Variants in CAT observed in about 807,000 individuals in gnomAD.
The protein encoded by CAT is catalase.
In CAT, 43 loss-of-function variants were observed where a neutral mutation model predicts 59.0. That is an observed-to-expected ratio of 0.73 (90% CI 0.57 to 0.94). The LOEUF is 0.94. Among genes scored for constraint, CAT ranks in the 40% least tolerant of loss-of-function variants. The pLI is 0.00. For missense variants in CAT, 664 were observed against 682.9 expected, an observed-to-expected ratio of 0.97 and a Z score of 0.31; for synonymous variants, 218 against 230.9, an observed-to-expected ratio of 0.94 and a Z score of 0.51.
intron 1 of CAT, among the ~76,000 whole-genome samples, chr11:34,442,886 T>A (rs1161437018): frequency 6.6e-6 from 1 of 152,190 alleles, no homozygotes; most frequent in African/African-American, 2.4e-5. Context: ...CCTGGGGTAG[T>A]CTACCCCCTG....
intron 6 of CAT, among the ~76,000 whole-genome samples, chr11:34,455,156 T>C (rs560843493): frequency 1.3e-5 from 2 of 152,336 alleles, no homozygotes; most frequent in East Asian, 3.9e-4. Context: ...CATGGTGACC[T>C]TCATTGTTTT....
At chr11:34,450,017 C>A (rs1254845098) in intron 2 of CAT, among the ~76,000 whole-genome samples, 2 of 152,158 alleles carry the variant, frequency 1.3e-5, no homozygotes, top group African/African-American at 4.8e-5. Flanking sequence ...ACACGCACAT[C>A]TTTGGGATGT....
chr11:34,461,750 C>T (rs1039609900), intron 9 of CAT, among the ~76,000 whole-genome samples: 1 of 152,200 alleles, frequency 6.6e-6, no homozygotes, highest in African/African-American at 2.4e-5. Flanking sequence ...AATTCCTTAA[C>T]TCACTGTGAA....
At chr11:34,470,651 G>C (rs1856763361) in intron 11 of CAT, 1 of 388,168 alleles carries the variant, frequency 2.6e-6, no homozygotes, top group Non-Finnish European at 4.9e-6. Context: ...AGGAATGGGG[G>C]ACAAAGACCA....
rs753241951 is a variant in CAT at position 34,471,448 on chromosome 11, A to C, written c.*15A>C. 6.2e-7 allele frequency: 1 copy of C among 1,611,774 alleles called. No individual in the cohort carries two copies. The highest frequency in any genetic ancestry group is 8.5e-7 in the Non-Finnish European group (1 of 1,177,906). ...CAAATCTGTGAGGCCGGGGCCCTGC[A>C]CCTGTGCAGCGAAGCTTAGCGTTCA... On this transcript the variant is annotated 3_prime_UTR_variant, in exon 13 of 13. Transcript: ENST00000241052.
At chr11:34,441,973 A>G (rs1856395963) in intron 1 of CAT, among the ~76,000 whole-genome samples, 1 of 152,186 alleles carries the variant, frequency 6.6e-6, no homozygotes, top group African/African-American at 2.4e-5. Context: ...TTTATACTTC[A>G]TCAGCAGTGT....
At chr11:34,453,226 C>A in intron 5 of CAT, 32 bp downstream of exon 5, 1 of 1,246,964 alleles carries the variant, frequency 8.0e-7, no homozygotes, top group Non-Finnish European at 1.2e-6. Flanking sequence ...TGTATTATAT[C>A]ACCTGGGATG....
chr11:34,454,509 GC>G (rs1856566610), intron 6 of CAT, among the ~76,000 whole-genome samples: 1 of 152,176 alleles, frequency 6.6e-6, no homozygotes, highest in Non-Finnish European at 1.5e-5. Context: ...TCCAAATACT[GC>G]TGCTAAGATA....
chr11:34,452,263 A>T, intron 4 of CAT, 56 bp downstream of exon 4: 1 of 1,558,066 alleles, frequency 6.4e-7, no homozygotes, highest in East Asian at 2.2e-5. Flanking sequence ...AATTGATTTC[A>T]AATAGGTTGG....
chr11:34,442,785 C>T (rs754597799), intron 1 of CAT, among the ~76,000 whole-genome samples: 1 of 152,016 alleles, frequency 6.6e-6, no homozygotes. Context: ...GGCTCAAGAG[C>T]GTGGAGAAGG....
intron 1 of CAT, among the ~76,000 whole-genome samples, chr11:34,448,462 G>A (rs898067768): frequency 5.9e-5 from 9 of 152,154 alleles, no homozygotes; most frequent in Admixed American, 1.3e-4. Flanking sequence ...GAAGAATGCC[G>A]CTCTAACCCT....
At chr11:34,463,710 A>G (rs113067532) in intron 9 of CAT, among the ~76,000 whole-genome samples, 25 of 152,352 alleles carry the variant, frequency 1.6e-4, no homozygotes, top group African/African-American at 5.8e-4. Context: ...TCCAAATGAC[A>G]CAATTTTTCA....
intron 6 of CAT, among the ~76,000 whole-genome samples, chr11:34,454,539 C>T (rs146029216): frequency 2.5e-4 from 38 of 152,240 alleles, no homozygotes; most frequent in Middle Eastern, 3.4e-3. Context: ...GAAGTGGGCT[C>T]GTGACCAGTA....
intron 9 of CAT, among the ~76,000 whole-genome samples, chr11:34,461,709 T>G (rs17884491): frequency 0.017 from 2,588 of 152,316 alleles, 68 homozygotes; most frequent in African/African-American, 0.058. Flanking sequence ...GCTTGGGAGT[T>G]AGGTTTTGAA....
intron 11 of CAT, among the ~76,000 whole-genome samples, chr11:34,470,040 T>C (rs1856757873): frequency 6.6e-6 from 1 of 152,116 alleles, no homozygotes; most frequent in African/African-American, 2.4e-5. Flanking sequence ...GTCCTATAAC[T>C]CAATTCAATT....
chr11:34,443,571 C>CTT (rs34138762), intron 1 of CAT, among the ~76,000 whole-genome samples: 13,811 of 145,790 alleles, frequency 0.095, 948 homozygotes, highest in Admixed American at 0.18. Context: ...AACCCATTTC[C>CTT]TTTTTTTTTT....
chr11:34,466,672 T>G (rs1212527552), intron 10 of CAT, among the ~76,000 whole-genome samples: 5 of 148,378 alleles, frequency 3.4e-5, no homozygotes, highest in Non-Finnish European at 7.4e-5. Flanking sequence ...TCCCAGCTAC[T>G]CAGGAGGCTG....
chr11:34,470,594 A>G (rs891848681), intron 11 of CAT: 2 of 329,438 alleles, frequency 6.1e-6, no homozygotes, highest in Admixed American at 7.8e-5. Flanking sequence ...GAATCATCTT[A>G]GTAGTATATA....
intron 1 of CAT, among the ~76,000 whole-genome samples, chr11:34,446,616 C>T (rs1253572244): frequency 1.3e-5 from 2 of 152,188 alleles, no homozygotes; most frequent in African/African-American, 4.8e-5. Flanking sequence ...CTCATCTCTG[C>T]CTTAGGGGCA....
Sources: allele counts gnomAD v4.1 joint callset (sites outside exome capture counted in the v4.1 genomes callset), GRCh38; gene constraint gnomAD v4.1.1; transcripts MANE v1.5; gene names NCBI Gene and HGNC (gene_info 2026-07-23, HGNC 2026-07-21).